Variants in CSMD1 observed in about 807,000 individuals in gnomAD.
CSMD1 encodes CUB and sushi domain-containing protein 1.
Under a neutral mutation model 417.5 loss-of-function variants are expected in CSMD1, and 213 were observed. That is an observed-to-expected ratio of 0.51 (90% CI 0.46 to 0.57). CSMD1 has a LOEUF of 0.57. CSMD1 is among the 20% of genes least tolerant of loss of function. CSMD1 has a pLI of 0.00. For synonymous variants in CSMD1, 2,862 were observed against 1,736.8 expected (o/e 1.65, Z -16.11); for missense variants, 6,923 against 4,529.7 (o/e 1.53, Z -15.17).
chr8:4,035,188 T>C (rs147483710), intron 3 of CSMD1, among the ~76,000 whole-genome samples: 10 of 152,164 alleles, frequency 6.6e-5, no homozygotes, highest in Non-Finnish European at 2.9e-5. Context: ...GTAGCCGTCA[T>C]GAGGTCGTAG....
At chr8:3,358,852 T>TCTCC (rs1020386749) in intron 21 of CSMD1, among the ~76,000 whole-genome samples, 6 of 151,462 alleles carry the variant, frequency 4.0e-5, no homozygotes, top group African/African-American at 1.5e-4. Context: ...CCAGATTTTC[T>TCTCC]CTCTCTCCGT....
chr8:3,708,626 G>A, intron 6 of CSMD1, 135 bp from the exon 7 acceptor site: 2 of 697,810 alleles, frequency 2.9e-6, no homozygotes, highest in Non-Finnish European at 2.5e-6. Flanking sequence ...AGAGGTGAAT[G>A]ATACCAAGTC....
chr8:4,515,336 T>C (rs1473449277), intron 2 of CSMD1, among the ~76,000 whole-genome samples: 1 of 152,190 alleles, frequency 6.6e-6, no homozygotes, highest in Non-Finnish European at 1.5e-5. Context: ...ACAATAGTTA[T>C]GGCCTCGCTT....
At chr8:3,654,417 G>C (rs186686756) in intron 7 of CSMD1, among the ~76,000 whole-genome samples, 1 of 152,280 alleles carries the variant, frequency 6.6e-6, no homozygotes, top group African/African-American at 2.4e-5. Flanking sequence ...CTTTGGTGTA[G>C]TCCACATGCC....
chr8:4,918,939 T>G (rs773168191), intron 1 of CSMD1, among the ~76,000 whole-genome samples: 11 of 152,216 alleles, frequency 7.2e-5, no homozygotes, highest in Non-Finnish European at 1.3e-4. Context: ...GGTGTATGTA[T>G]GTTTGGTTTA....
intron 49 of CSMD1, among the ~76,000 whole-genome samples, chr8:3,053,848 A>C (rs1812035561): frequency 6.6e-6 from 1 of 152,232 alleles, no homozygotes; most frequent in Non-Finnish European, 1.5e-5. Flanking sequence ...TGGTAACTAA[A>C]TAAAGAGCCT....
intron 10 of CSMD1, among the ~76,000 whole-genome samples, chr8:3,525,460 T>C (rs4413794): frequency 0.22 from 32,834 of 152,094 alleles, 3,878 homozygotes; most frequent in South Asian, 0.29. Context: ...ATTTTATAAC[T>C]GACAGCAGGA....
chr8:4,559,515 G>A (rs1269781163), intron 2 of CSMD1, among the ~76,000 whole-genome samples: 9 of 152,114 alleles, frequency 5.9e-5, no homozygotes, highest in Non-Finnish European at 1.3e-4. Flanking sequence ...AGAGACGAGG[G>A]TTCATATTAA....
At position 4,728,054 on chromosome 8, in the gene CSMD1, T is replaced by G. The variant is rs144641123; in HGVS notation, c.86-90496A>C. Among the ~76,000 whole-genome samples, 67 of 146,718 alleles carry G rather than the reference T, an allele frequency of 4.6e-4. 1 individual carries two copies. The highest frequency in any genetic ancestry group is 1.2e-3 in the African/African-American group (49 of 40,576). Reference sequence around the variant, plus strand: ...TATTTTTTTGGTTTATTGTTATATATAGAGAGATGTAGAATGTATATGTTT... The same window carrying G: ...TATTTTTTTGGTTTATTGTTATATAGAGAGAGATGTAGAATGTATATGTTT... On this transcript the variant is annotated intron_variant, in intron 1 of 69. Coordinates refer to ENST00000635120, the MANE Select transcript of CSMD1 (RefSeq NM_033225.6).
At chr8:4,023,186 T>C (rs185147849) in intron 4 of CSMD1, among the ~76,000 whole-genome samples, 3 of 152,180 alleles carry the variant, frequency 2.0e-5, no homozygotes, top group African/African-American at 2.4e-5. Flanking sequence ...CCCAGTGCAA[T>C]GTTGCAGGCT....
chr8:3,112,316 G>C (rs1024911319), intron 42 of CSMD1, among the ~76,000 whole-genome samples: 1 of 152,162 alleles, frequency 6.6e-6, no homozygotes, highest in Non-Finnish European at 1.5e-5. Context: ...ACAATGCTAA[G>C]GTTTCCCTTT....
At chr8:3,287,281 T>G (rs201152913) in intron 25 of CSMD1, among the ~76,000 whole-genome samples, 4,428 of 149,852 alleles carry the variant, frequency 0.03, 106 homozygotes, top group Admixed American at 0.07. Flanking sequence ...ACTTGGTGAT[T>G]CGGGCTCTTT....
intron 3 of CSMD1, among the ~76,000 whole-genome samples, chr8:4,347,091 C>T (rs1216377024): frequency 6.7e-6 from 1 of 148,786 alleles, no homozygotes; most frequent in Non-Finnish European, 1.5e-5. Flanking sequence ...ATTCTTTGAC[C>T]CCTCAGAAGT....
chr8:4,845,224 T>C (rs1801074348), intron 1 of CSMD1, among the ~76,000 whole-genome samples: 1 of 152,218 alleles, frequency 6.6e-6, no homozygotes, highest in African/African-American at 2.4e-5. Flanking sequence ...ATTTTGGTTA[T>C]TGTACTGTTC....
intron 6 of CSMD1, among the ~76,000 whole-genome samples, chr8:3,714,662 C>A (rs890941687): frequency 6.6e-6 from 1 of 151,018 alleles, no homozygotes; most frequent in African/African-American, 2.4e-5. Context: ...GCTTGAACCC[C>A]GGAGGCAGAG....
chr8:4,665,287 G>C (rs984065098), intron 1 of CSMD1, among the ~76,000 whole-genome samples: 1 of 152,142 alleles, frequency 6.6e-6, no homozygotes, highest in South Asian at 2.1e-4. Context: ...TTTTCTCTCA[G>C]ATTGGCCTTC....
At chr8:3,042,813 G>T (rs1273475219) in intron 50 of CSMD1, among the ~76,000 whole-genome samples, 1 of 151,978 alleles carries the variant, frequency 6.6e-6, no homozygotes, top group Non-Finnish European at 1.5e-5. Flanking sequence ...ATATTTATAG[G>T]TCGTATAAAC....
intron 10 of CSMD1, among the ~76,000 whole-genome samples, chr8:3,498,778 T>C (rs554076498): frequency 3.3e-5 from 5 of 152,178 alleles, no homozygotes; most frequent in Non-Finnish European, 7.3e-5. Context: ...TAGTCTGTTG[T>C]TGAAGCTCTT....
chr8:4,045,855 C>A (rs73658542), intron 3 of CSMD1, among the ~76,000 whole-genome samples: 5,789 of 152,130 alleles, frequency 0.038, 347 homozygotes, highest in African/African-American at 0.12. Context: ...GACTCTGGCA[C>A]TGCATTATTT....
Sources: gnomAD v4.1 joint callset for allele counts (sites outside exome capture counted in the v4.1 genomes callset) on GRCh38, gnomAD v4.1.1 for gene constraint, MANE v1.5 for transcripts, NCBI Gene and HGNC (gene_info 2026-07-23, HGNC 2026-07-21) for gene names.